VWF: variants seen among roughly 807,000 people sequenced by gnomAD.
VWF encodes the protein Factor VIII related antigen.
In VWF, 176 loss-of-function variants were observed where a neutral mutation model predicts 308.6. The observed-to-expected ratio is 0.57, with a 90% CI of 0.50 to 0.65. VWF has a LOEUF of 0.65. Ranked by LOEUF, VWF falls within the 30% of genes least tolerant of loss-of-function variation. The probability of loss-of-function intolerance (pLI) is 0.00; values close to 1 mark genes in which losing one functional copy is unlikely to be tolerated. For synonymous variants in VWF, 1,385 were observed against 1,443.4 expected, an observed-to-expected ratio of 0.96 and a Z score of 0.92; for missense variants, 3,146 against 3,648.2, an observed-to-expected ratio of 0.86 and a Z score of 3.55.
chr12:6,033,440 C>G (rs1299130442), intron 20 of VWF, among the ~76,000 whole-genome samples: 1 of 152,250 alleles, frequency 6.6e-6, no homozygotes, highest in Non-Finnish European at 1.5e-5. Flanking sequence ...GCAGCAGATG[C>G]TGACCAGCTG....
intron 6 of VWF, among the ~76,000 whole-genome samples, chr12:6,092,262 T>A (rs970126959): frequency 6.6e-6 from 1 of 151,994 alleles, no homozygotes; most frequent in African/African-American, 2.4e-5. Context: ...TTATACCCTC[T>A]CCCTCGCTAA....
At chr12:5,982,748 C>T (rs140692581) in intron 41 of VWF, among the ~76,000 whole-genome samples, 136 of 152,232 alleles carry the variant, frequency 8.9e-4, no homozygotes, top group Admixed American at 2.8e-3. Flanking sequence ...ATATATACAC[C>T]TTCAGAGGCG....
At chr12:6,116,199 G>A (rs967456504) in intron 3 of VWF, among the ~76,000 whole-genome samples, 29 of 152,166 alleles carry the variant, frequency 1.9e-4, no homozygotes, top group Non-Finnish European at 5.9e-5. Flanking sequence ...GAAAAGAGAG[G>A]CTGGCTGTCA....
intron 4 of VWF, 82 bp from the exon 5 acceptor site, chr12:6,110,664 T>C: frequency 1.3e-6 from 2 of 1,484,402 alleles, no homozygotes; most frequent in South Asian, 1.1e-5. Flanking sequence ...CCCAACCCCA[T>C]GTTGTAGGGT....
chr12:6,105,661 C>G (rs1489965900), intron 5 of VWF, among the ~76,000 whole-genome samples: 1 of 151,872 alleles, frequency 6.6e-6, no homozygotes, highest in Non-Finnish European at 1.5e-5. Context: ...TTTCACATAC[C>G]TGAAAAATAA....
At chr12:6,064,048 C>T (rs1292803726) in intron 12 of VWF, among the ~76,000 whole-genome samples, 198 bp downstream of exon 12, 1 of 152,240 alleles carries the variant, frequency 6.6e-6, no homozygotes, top group Non-Finnish European at 1.5e-5. Context: ...CTTCTCTAGT[C>T]TTCCTCCTCC....
chr12:5,976,166 A>G lies in VWF; in HGVS notation c.7382T>C (p.Met2461Thr). 3 of 1,614,156 alleles carry G rather than the reference A, an allele frequency of 1.9e-6. No individual in the cohort carries two copies. Among genetic ancestry groups the G allele is most frequent in the African/African-American group, 1.3e-5 (1 of 75,064 alleles). The stretch of plus-strand genomic sequence containing the variant: ...GGAGCACTGGGCCACGCGGAGGCCC[A>G]TCACGGCATCCTCCATGTCGGTGCA... ...CTCTDMEDAVMGLRVAQCSQK... is the reference protein window; with the variant it reads ...CTCTDMEDAVTGLRVAQCSQK... The change falls in exon 43 of 52, where the codon ATG (methionine) becomes ACG (threonine). Residue 2461 changes from methionine to threonine, a missense_variant. Met to Thr is a moderately conservative substitution (Grantham distance 81). Around this residue, in one of 3 missense-constraint regions of VWF, gnomAD observed 989 missense variants for 1,117.4 expected, o/e 0.89. Transcript: ENST00000261405.
rs1018153988 is a variant in VWF at position 5,969,371 on chromosome 12, G to A, written c.7569C>T (p.Ser2523=). Residue 2523 remains serine, a synonymous_variant, in exon 45 of 52, where the codon TCC becomes TCT. Coordinates refer to ENST00000261405, the MANE Select transcript of VWF (RefSeq NM_000552.5). ...CATTGATGAGGCAGGGGTTCTCCGG[G>A]GAGGCCCACTGGGAGCCGACCTGCA... is the stretch of plus-strand genomic sequence containing the variant. The part of the protein sequence containing the change: ...SWKSVGSQWA[S]PENPCLINEC... The A allele has an allele frequency of 3.1e-6, 5 of 1,614,090 alleles. No homozygotes were observed. The African/African-American group carries it at 6.7e-5, about 22-fold the overall frequency.
In VWF at chr12:6,123,387, C is replaced by T. The variant is rs1050926276; in HGVS notation, c.1-191G>A. Among the ~76,000 whole-genome samples the T allele has an allele frequency of 2.6e-5, 4 of 152,322 alleles. No individual in the cohort carries two copies. The East Asian group carries it at 7.7e-4, about 29-fold the overall frequency. On this transcript the variant is annotated intron_variant, in intron 1 of 51. Transcript: ENST00000261405. ...GAAAAAACCCCTGGCCAGTGCCAGG[C>T]CCAAGGGTAACAATCGCTGTGAGCT...
intron 47 of VWF, 94 bp from the exon 48 acceptor site, chr12:5,953,688 A>T (rs1248070601): frequency 2.1e-6 from 2 of 946,536 alleles, no homozygotes; most frequent in Non-Finnish European, 3.5e-6. Context: ...CATCTCTCTC[A>T]TCCAGTAGTT....
intron 50 of VWF, among the ~76,000 whole-genome samples, chr12:5,950,266 A>G (rs1332917027): frequency 6.6e-6 from 1 of 152,160 alleles, no homozygotes; most frequent in East Asian, 1.9e-4. Context: ...GAAGTAGTCA[A>G]TAAGTATAAT....
At chr12:6,027,018 G>GA (rs1427758798) in intron 22 of VWF, among the ~76,000 whole-genome samples, 1 of 136,244 alleles carries the variant, frequency 7.3e-6, no homozygotes, top group South Asian at 2.1e-4. Flanking sequence ...GAGACAAAGA[G>GA]AAAAAATGTA....
At chr12:6,061,942 G>C (rs187464104) in intron 13 of VWF, among the ~76,000 whole-genome samples, 2 of 152,316 alleles carry the variant, frequency 1.3e-5, no homozygotes, top group Admixed American at 1.3e-4. Flanking sequence ...TTGCAGAAAT[G>C]TGCAGCAGTG....
In VWF at chr12:6,063,974, C is replaced by T. The variant is rs147697979; in HGVS notation, c.1432+272G>A. Among the ~76,000 whole-genome samples the T allele has an allele frequency of 4.3e-4, 66 of 152,106 alleles. No individual in the cohort carries two copies. Among genetic ancestry groups the T allele is most frequent in the African/African-American group, 1.5e-3 (61 of 41,486 alleles). ...GGTTCAAGCCAAATAAAAATCCTCT[C>T]GGTTCCCTTTTCCCATCTACACTCT... On this transcript the variant is annotated intron_variant, in intron 12 of 51. Transcript: ENST00000261405. The surrounding 1 kb of genome is among the most constrained non-coding windows in gnomAD (Gnocchi z 4.9).
At position 5,964,078 on chromosome 12, in the gene VWF, A is replaced by G. The variant is rs146989908; in HGVS notation, c.7887+3408T>C. ...AAAAAAAGAAAAAAATTAGCTGGGCATGGCGGTGGGCGCCTGTAGTCCCAG... is the reference window on the plus strand; with the variant it reads ...AAAAAAAGAAAAAAATTAGCTGGGCGTGGCGGTGGGCGCCTGTAGTCCCAG... On this transcript the variant is annotated intron_variant, in intron 47 of 51. Coordinates refer to ENST00000261405, the MANE Select transcript of VWF (RefSeq NM_000552.5). Among the ~76,000 whole-genome samples the G allele has an allele frequency of 6.0e-3, 918 of 152,110 alleles. 9 individuals carry two copies. The highest frequency in any genetic ancestry group is 0.034 in the Middle Eastern group (10 of 292).
At position 6,045,915 on chromosome 12, in the gene VWF, A is replaced by G. The variant is rs574118271; in HGVS notation, c.2281+808T>C. ...ACCAGGTCAGCCCCTTCTCCCTTCCATGCCTGGTCCTTAAACAGTACAACA... is the reference window on the plus strand; with the variant it reads ...ACCAGGTCAGCCCCTTCTCCCTTCCGTGCCTGGTCCTTAAACAGTACAACA... On this transcript the variant is annotated intron_variant, in intron 17 of 51. Coordinates refer to ENST00000261405, the MANE Select transcript of VWF (RefSeq NM_000552.5). 2.6e-5 allele frequency among the ~76,000 whole-genome samples: 4 copies of G among 152,314 alleles called. No individual in the cohort carries two copies. The East Asian group carries it at 7.7e-4, about 29-fold the overall frequency.
chr12:6,101,698 C>T (rs1285958788), intron 5 of VWF, among the ~76,000 whole-genome samples: 1 of 152,080 alleles, frequency 6.6e-6, no homozygotes, highest in Admixed American at 6.6e-5. Flanking sequence ...ATTGCTTGAA[C>T]CCGGCAGGCG....
intron 2 of VWF, chr12:6,122,753 A>G (rs767740850): frequency 1.9e-6 from 1 of 537,772 alleles, no homozygotes; most frequent in East Asian, 5.1e-5. Context: ...GAGACTTTGG[A>G]GCAGTCATTT....
chr12:6,112,674 AC>A (rs1789045655), intron 3 of VWF, among the ~76,000 whole-genome samples: 1 of 152,108 alleles, frequency 6.6e-6, no homozygotes, highest in Admixed American at 6.6e-5. Flanking sequence ...AGCCCAGAAG[AC>A]CTGGCAGGTC....
Sources: allele counts gnomAD v4.1 joint callset (sites outside exome capture counted in the v4.1 genomes callset), GRCh38; gene constraint gnomAD v4.1.1; regional missense constraint gnomAD v4.1.1; non-coding constraint Gnocchi (gnomAD v3.1); transcripts MANE v1.5; gene names NCBI Gene and HGNC (gene_info 2026-07-23, HGNC 2026-07-21).